Variants in MUC4 observed in about 807,000 individuals in gnomAD.
The protein encoded by MUC4 is mucin-4.
A neutral mutation model predicts 257.9 loss-of-function variants in MUC4; 202 were observed. The observed-to-expected ratio is 0.78, with a 90% CI of 0.70 to 0.88. The LOEUF (loss-of-function observed/expected upper bound fraction) is 0.88. MUC4 is among the 40% of genes least tolerant of loss of function. The pLI, the probability that MUC4 is intolerant of heterozygous loss-of-function variation, is 0.00. For synonymous variants in MUC4, 2,351 were observed against 2,757.1 expected (o/e 0.85, Z 4.62); for missense variants, 5,976 against 6,513.7 (o/e 0.92, Z 2.84).
intron 19 of MUC4, 171 bp from the exon 20 acceptor site, chr3:195,753,401 A>C: frequency 1.6e-6 from 1 of 624,550 alleles, no homozygotes. Context: ...CTGCAGGGCA[A>C]CCCCTTTCCC....
Position 195,753,230 on chromosome 3 carries a change from G to A in MUC4, c.15329C>T (p.Ala5110Val), listed in dbSNP as rs962802125. ...NLTGDGRHCA[A>V]LGSSFLCQNQ... ...CTGACACAGGAAAGAGCTCCCCAGA[G>A]CTGCAGAGTGAGTAGGGAGGTCAGC... Residue 5110 changes from alanine (A) to valine (V), a missense_variant and splice_region_variant, in exon 20 of 25, where the codon GCT becomes GTT. Ala to Val is a moderately conservative substitution (Grantham distance 64, BLOSUM62 0). Around this residue, in one of 44 missense-constraint regions of MUC4, gnomAD observed 996 missense variants for 1,137.3 expected, o/e 0.88. Transcript: ENST00000463781. 3.7e-6 allele frequency: 6 copies of A among 1,613,684 alleles called. No individual in the cohort carries two copies. The highest frequency in any genetic ancestry group is 1.1e-5 in the South Asian group (1 of 91,018).
chr3:195,799,541 A>T (rs1403197914), intron 1 of MUC4, among the ~76,000 whole-genome samples: 1 of 152,160 alleles, frequency 6.6e-6, no homozygotes, highest in Non-Finnish European at 1.5e-5. Flanking sequence ...ACCTCAGGTG[A>T]TCCACTCACC....
In MUC4 at chr3:195,774,251, C is replaced by T. The variant is rs1469488087; in HGVS notation, c.12998G>A (p.Arg4333Lys). The change falls in exon 4 of 25, where the codon AGG becomes AAG. Residue 4333 changes from arginine (R) to lysine (K), a missense_variant. Transcript: ENST00000463781. ...GAGTGGGGAGGTGAAGTCCACGGTC[C>T]TCCTGACGAACTCCAGGTCCCCGGC... is the stretch of plus-strand genomic sequence containing the variant. Reference protein sequence around the residue: ...AGAGDLEFVRRTVDFTSPLFK... With the variant: ...AGAGDLEFVRKTVDFTSPLFK... 1 of 1,601,146 alleles carries T rather than the reference C, an allele frequency of 6.2e-7. No homozygotes were observed. The highest frequency in any genetic ancestry group is 8.5e-7 in the Non-Finnish European group (1 of 1,174,724).
intron 7 of MUC4, 112 bp from the exon 8 acceptor site, chr3:195,766,863 C>A: frequency 1.1e-6 from 1 of 921,926 alleles, no homozygotes; most frequent in South Asian, 1.5e-5. Context: ...ACCAGCTAGG[C>A]GGGCAGTGGG....
Position 195,788,854 on chromosome 3 carries a change from T to C in MUC4, c.2726A>G (p.Gln909Arg), listed in dbSNP as rs1276702357. Residue 909 changes from glutamine (Q) to arginine (R), a missense_variant, in exon 2 of 25, where the codon CAG (glutamine) becomes CGG (arginine). This residue lies in a region of MUC4 where 1,583 missense variants were observed against 1,257.4 expected (regional missense o/e 1.26). Coordinates refer to ENST00000463781, the MANE Select transcript of MUC4 (RefSeq NM_018406.7). ...QETAAISRMA[Q>R]TQRTRTSRGS... is the part of the protein sequence containing the mutation. The stretch of plus-strand genomic sequence containing the variant: ...TCTGCTGGTTCTTGTCCTCTGAGTC[T>C]GGGCCATCCGGGAAATGGCGGCTGT... 2 of 1,613,886 alleles carry C rather than the reference T, an allele frequency of 1.2e-6. No homozygotes were observed. Among genetic ancestry groups the C allele is most frequent in the East Asian group, 2.2e-5 (1 of 44,878 alleles).
chr3:195,766,540 G>C, intron 8 of MUC4, 123 bp downstream of exon 8: 2 of 837,120 alleles, frequency 2.4e-6, no homozygotes, highest in South Asian at 1.6e-5. Context: ...GAACTGTGTG[G>C]GGGAGGCCCT....
chr3:195,753,291 C>G, intron 19 of MUC4, 61 bp from the exon 20 acceptor site: 1 of 1,522,998 alleles, frequency 6.6e-7, no homozygotes, highest in Non-Finnish European at 9.0e-7. Flanking sequence ...CGGCCCAGCC[C>G]GTGGAAACCC....
chr3:195,778,547 G>A (rs2148903597), intron 2 of MUC4, 92 bp from the exon 3 acceptor site: 4 of 1,518,632 alleles, frequency 2.6e-6, no homozygotes, highest in Non-Finnish European at 3.6e-6. Context: ...CTGGAAGAGG[G>A]AGCTGGAAAC....
At chr3:195,800,801 A>G (rs765107604) in intron 1 of MUC4, among the ~76,000 whole-genome samples, 1 of 151,704 alleles carries the variant, frequency 6.6e-6, no homozygotes, top group Non-Finnish European at 1.5e-5. Flanking sequence ...TCATGCCTAA[A>G]ATCCCAGCAC....
At position 195,760,948 on chromosome 3, in the gene MUC4, G is replaced by C. The variant is rs765631368; in HGVS notation, c.14784C>G (p.Asn4928Lys). Residue 4928 changes from asparagine to lysine, a missense_variant, in exon 16 of 25, where the codon AAC becomes AAG. Transcript: ENST00000463781. Reference sequence around the variant, plus strand: ...CCCTCGTGTGAAGTCCGATGCTTGCGTTGCGCAGGGCCAGGGTGTCATAGA... The same window carrying C: ...CCCTCGTGTGAAGTCCGATGCTTGCCTTGCGCAGGGCCAGGGTGTCATAGA... ...SCIYDTLALR[N>K]ASIGLHTREV... 7.4e-6 allele frequency: 12 copies of C among 1,614,110 alleles called. No individual in the cohort carries two copies.
At chr3:195,758,682 T>G (rs1364180329) in intron 17 of MUC4, among the ~76,000 whole-genome samples, 3 of 151,088 alleles carry the variant, frequency 2.0e-5, no homozygotes, top group Non-Finnish European at 4.4e-5. Flanking sequence ...CCTGCCTCAG[T>G]CTCCTGAGTA....
In MUC4 at chr3:195,779,560, G is replaced by A; in HGVS notation, c.12020C>T (p.Ser4007Phe). The change falls in exon 2 of 25, where the codon TCC (serine) becomes TTC (phenylalanine). Residue 4007 changes from serine to phenylalanine, a missense_variant. Physicochemically the swap from Ser to Phe is radical, Grantham distance 155. This residue lies in a region of MUC4 where 293 missense variants were observed against 294.5 expected (regional missense o/e 1.00). Coordinates refer to ENST00000463781, the MANE Select transcript of MUC4 (RefSeq NM_018406.7). ...HATPLPVTST[S>F]SVSTGHATPL... ...GGTGGCGTGACCTGTAGATACTGAG[G>A]AAGTGCTGGTGACAGGAAGAGGGGT... 5.7e-6 allele frequency: 8 copies of A among 1,397,322 alleles called. No individual in the cohort carries two copies. The South Asian group carries it at 7.7e-5, about 14-fold the overall frequency. The allele number at this position is 1,397,322 out of a possible 1,614,324, so 86.6% of individuals were successfully genotyped here. A position where few individuals can be genotyped will look rare whatever the true frequency, so the allele number is the denominator to read the frequency against.
rs749904571 is a variant in MUC4 at position 195,779,540 on chromosome 3, C to G, written c.12040G>C (p.Ala4014Pro). Residue 4014 changes from alanine to proline, a missense_variant, in exon 2 of 25, where the codon GCC (alanine) becomes CCC (proline). Physicochemically the swap from Ala to Pro is conservative, Grantham distance 27 (BLOSUM62 -1). This residue lies in a region of MUC4 where 293 missense variants were observed against 294.5 expected (regional missense o/e 1.00). Coordinates refer to ENST00000463781, the MANE Select transcript of MUC4 (RefSeq NM_018406.7). Reference protein sequence around the residue: ...TSTSSVSTGHATPLPVTSPSS... With the variant: ...TSTSSVSTGHPTPLPVTSPSS... ...GGGCTGGTGACAGGAAGAGGGGTGG[C>G]GTGACCTGTAGATACTGAGGAAGTG... is the stretch of plus-strand genomic sequence containing the variant. 3.3e-6 allele frequency: 3 copies of G among 896,646 alleles called. 1 individual carries two copies. The highest frequency in any genetic ancestry group is 7.2e-5 in the Admixed American group (2 of 27,716). The allele number at this position is 896,646 out of a possible 1,614,324, so 55.5% of individuals were successfully genotyped here.
chr3:195,779,395 G>T lies in MUC4; in HGVS notation c.12185C>A (p.Ala4062Asp). 1 of 1,250,106 alleles carries T rather than the reference G, an allele frequency of 8.0e-7. No homozygotes were observed. Among genetic ancestry groups the T allele is most frequent in the East Asian group, 3.1e-5 (1 of 32,516 alleles). 77.4% of individuals were successfully genotyped at this position (1,250,106 alleles called of 1,614,324 possible). A position where few individuals can be genotyped will look rare whatever the true frequency, so the allele number is the denominator to read the frequency against. ...AGGGCTGGTGACATGAAGAGGGGTG[G>T]CGTGACCTGTGGATAATGAGGAAGC... The part of the protein sequence containing the change: ...TNASSLSTGH[A>D]TPLHVTSPSS... Residue 4062 changes from alanine to aspartate, a missense_variant, in exon 2 of 25, where the codon GCC (alanine) becomes GAC (aspartate). Physicochemically the swap from Ala to Asp is moderately radical, Grantham distance 126. Around this residue, in one of 44 missense-constraint regions of MUC4, gnomAD observed 293 missense variants for 294.5 expected, o/e 1.00. Transcript: ENST00000463781.
At chr3:195,770,583 G>C in intron 5 of MUC4, 1 of 603,680 alleles carries the variant, frequency 1.7e-6, no homozygotes, top group Middle Eastern at 4.4e-4. Context: ...CAGAATGCAG[G>C]GTCGTGGCCC....
rs145312279 is a variant in MUC4 at position 195,778,368 on chromosome 3, G to C, written c.12878C>G (p.Thr4293Ser). Residue 4293 changes from threonine to serine, a missense_variant, in exon 3 of 25, where the codon ACC (threonine) becomes AGC (serine). Thr to Ser is a moderately conservative substitution (Grantham distance 58, BLOSUM62 1). Transcript: ENST00000463781. Reference sequence around the variant, plus strand: ...GGTGTGCATGGCAGTGCTGGGAATGGTGGAAATGATGGTCTGGGAGGTTGT... The same window carrying C: ...GGTGTGCATGGCAGTGCTGGGAATGCTGGAAATGATGGTCTGGGAGGTTGT... ...PPTTSQTIIS[T>S]IPSTAMHTRS... 1 of 1,613,096 alleles carries C rather than the reference G, an allele frequency of 6.2e-7. No individual in the cohort carries two copies. Among genetic ancestry groups the C allele is most frequent in the African/African-American group, 1.3e-5 (1 of 74,922 alleles).
chr3:195,752,981 G>A lies in MUC4; in HGVS notation c.15508+70C>T, dbSNP rs547343234. ...TTCCTCATCTTCCCCAAAGGTGGGCGGAGTGCGGGGGTGAGAGGGTGGGGC... is the reference window on the plus strand; with the variant it reads ...TTCCTCATCTTCCCCAAAGGTGGGCAGAGTGCGGGGGTGAGAGGGTGGGGC... On this transcript the variant is annotated intron_variant, in intron 20 of 24. Transcript: ENST00000463781. 7.0e-4 allele frequency: 926 copies of A among 1,318,418 alleles called. 3 individuals are homozygous for A. Among genetic ancestry groups the A allele is most frequent in the Non-Finnish European group, 6.6e-4 (634 of 957,198 alleles). 81.7% of individuals were successfully genotyped at this position (1,318,418 alleles called of 1,614,324 possible). A position where few individuals can be genotyped will look rare whatever the true frequency, so the allele number is the denominator to read the frequency against.
At chr3:195,750,841 C>T (rs1560216149) in intron 23 of MUC4, 48 bp downstream of exon 23, 13 of 1,554,814 alleles carry the variant, frequency 8.4e-6, no homozygotes, top group East Asian at 2.3e-5. Flanking sequence ...TCTGTTTGCC[C>T]GCCCCCCGCA....
rs1386025581 is a variant in MUC4 at position 195,779,429 on chromosome 3, CAGGA to C, written c.12147_12150del (p.Pro4050SerfsTer208). The stretch of plus-strand genomic sequence containing the variant: ...GTGGATAATGAGGAAGCATTGGTGA[CAGGA>C]AGAGGGGTGGTGTCACCTGTGGATG... On this transcript the variant is annotated frameshift_variant, in exon 2 of 25. Coordinates refer to ENST00000463781, the MANE Select transcript of MUC4 (RefSeq NM_018406.7). LOFTEE classifies it high-confidence loss of function. The C allele has an allele frequency of 2.2e-6, 2 of 906,534 alleles. 1 individual carries two copies. Among genetic ancestry groups the C allele is most frequent in the Admixed American group, 5.6e-5 (2 of 35,842 alleles). 56.2% of individuals were successfully genotyped at this position (906,534 alleles called of 1,614,324 possible).
Sources: gnomAD v4.1 joint callset for allele counts (sites outside exome capture counted in the v4.1 genomes callset) on GRCh38, gnomAD v4.1.1 for gene constraint, gnomAD v4.1.1 regional missense constraint, MANE v1.5 for transcripts, NCBI Gene and HGNC (gene_info 2026-07-23, HGNC 2026-07-21) for gene names.